ARMCX6: variants seen among roughly 807,000 people sequenced by gnomAD.
ARMCX6 encodes protein ARMCX6.
For missense variants in ARMCX6, 194 were observed against 186.0 expected (o/e 1.04, Z -0.25); for synonymous variants, 85 against 70.3 (o/e 1.21, Z -1.05).
At position 101,616,467 on chromosome X, in the gene ARMCX6, C is replaced by G. The variant is rs782576911; in HGVS notation, c.154G>C (p.Asp52His). 2.9e-5 allele frequency: 35 copies of G among 1,209,881 alleles called. No individual in the cohort carries two copies. The South Asian group carries it at 4.6e-4, about 16-fold the overall frequency. The change falls in exon 3 of 3, where the codon GAT (aspartate) becomes CAT (histidine). Residue 52 changes from aspartate to histidine, a missense_variant. By Grantham distance (81) the Asp-to-His change is moderately conservative. Coordinates refer to ENST00000361910, the MANE Select transcript of ARMCX6 (RefSeq NM_019007.4). ...AACCAAATATCAGGCTCCTCCTCAT[C>G]CAGCTCCTGGTCATCGTCCCACTCC... ...EEEWDDDQEL[D>H]EEEPDIWFDF...
rs1935802211 is a variant in ARMCX6 at position 101,616,196 on chromosome X, G to A, written c.425C>T (p.Pro142Leu). Residue 142 changes from proline (P) to leucine (L), a missense_variant, in exon 3 of 3, where the codon CCC becomes CTC. Transcript: ENST00000361910. ...GCTAAATGGAAAGCCCGCATCCTTG[G>A]GCTCGGCAAACAACAGTTTTCCCTG... Reference protein sequence around the residue: ...FIQGKLLFAEPKDAGFPFSQD... With the variant: ...FIQGKLLFAELKDAGFPFSQD... The A allele has an allele frequency of 8.3e-7, 1 of 1,205,647 alleles. No homozygotes were observed. The highest frequency in any genetic ancestry group is 2.2e-5 in the Admixed American group (1 of 45,294).
At chrX:101,616,867 T>C in intron 2 of ARMCX6, 101 bp from the exon 3 acceptor site, 1 of 426,295 alleles carries the variant, frequency 2.3e-6, no homozygotes, top group Non-Finnish European at 3.7e-6. Flanking sequence ...ATTAACAGGA[T>C]ACAATTTCTT....
chrX:101,616,520 C>A lies in ARMCX6; in HGVS notation c.101G>T (p.Ser34Ile). ...TTCCCCCTCCTCCTCCAGCTTCTCA[C>A]TGTCATCTCTTCCTATGGTCAGTTT... is the stretch of plus-strand genomic sequence containing the variant. Reference protein sequence around the residue: ...VYKLTIGRDDSEKLEEEGEEE... With the variant: ...VYKLTIGRDDIEKLEEEGEEE... Residue 34 changes from serine to isoleucine, a missense_variant, in exon 3 of 3, where the codon AGT (serine) becomes ATT (isoleucine). Coordinates refer to ENST00000361910, the MANE Select transcript of ARMCX6 (RefSeq NM_019007.4). 1 of 1,212,222 alleles carries A rather than the reference C, an allele frequency of 8.2e-7. No homozygotes were observed. The highest frequency in any genetic ancestry group is 1.1e-6 in the Non-Finnish European group (1 of 895,586).
intron 2 of ARMCX6, 26 bp from the exon 3 acceptor site, chrX:101,616,792 C>T (rs1935824276): frequency 2.2e-6 from 2 of 922,531 alleles, no homozygotes; most frequent in Non-Finnish European, 2.9e-6. Flanking sequence ...AGTATTAGGG[C>T]TCGGGACTAT....
chrX:101,616,264 T>A lies in ARMCX6; in HGVS notation c.357A>T (p.Lys119Asn), dbSNP rs782430995. 8.3e-7 allele frequency: 1 copy of A among 1,211,416 alleles called. No individual in the cohort carries two copies. The highest frequency in any genetic ancestry group is 2.2e-5 in the Admixed American group (1 of 46,031). ...AGAGGTCCAGAACACAACTGCCATT[T>A]TTACAATTTTGAGCACTCCAAGTAT... ...HKNTWSAQNC[K>N]NGSCVLDLSK... is the part of the protein sequence containing the mutation. Residue 119 changes from lysine (K) to asparagine (N), a missense_variant, in exon 3 of 3, where the codon AAA becomes AAT. Coordinates refer to ENST00000361910, the MANE Select transcript of ARMCX6 (RefSeq NM_019007.4).
rs1311347062 is a variant in ARMCX6, at chrX:101,616,186, C to T, written c.435G>A (p.Ala145=). 5.8e-6 allele frequency: 7 copies of T among 1,209,025 alleles called. No individual in the cohort carries two copies. The highest frequency in any genetic ancestry group is 5.9e-5 in the East Asian group (2 of 33,733). The change falls in exon 3 of 3, where the codon GCG becomes GCA. Residue 145 remains alanine (A), a synonymous_variant. Transcript: ENST00000361910. ...GKLLFAEPKD[A]GFPFSQDINS... ...TGATATCCTGGCTAAATGGAAAGCC[C>T]GCATCCTTGGGCTCGGCAAACAACA...
Position 101,616,246 on chromosome X carries a change from C to T in ARMCX6, c.375G>A (p.Leu125=), listed in dbSNP as rs3931653. 444 of 1,208,901 alleles carry T rather than the reference C, an allele frequency of 3.7e-4. No homozygotes were observed. The African/African-American group carries it at 4.0e-3, about 11-fold the overall frequency. ...AQNCKNGSCV[L]DLSKCLFIQG... is the part of the protein sequence containing the mutation. ...GAATGAAAAGACACTTGGAGAGGTC[C>T]AGAACACAACTGCCATTTTTACAAT... is the stretch of plus-strand genomic sequence containing the variant. The change falls in exon 3 of 3, where the codon CTG becomes CTA. Residue 125 remains leucine (L), a synonymous_variant. Coordinates refer to ENST00000361910, the MANE Select transcript of ARMCX6 (RefSeq NM_019007.4).
At position 101,616,794 on chromosome X, in the gene ARMCX6, C is replaced by T. The variant is rs974318776; in HGVS notation, c.-146-28G>A. The T allele has an allele frequency of 1.7e-4, 157 of 908,736 alleles. 3 individuals carry two copies. The highest frequency in any genetic ancestry group is 7.0e-5 in the East Asian group (2 of 28,543). The allele number at this position is 908,736 out of a possible 1,213,427, so 74.9% of individuals were successfully genotyped here. A position where few individuals can be genotyped will look rare whatever the true frequency, so the allele number is the denominator to read the frequency against. ...GTGGGTGAAACAGAGTATTAGGGCT[C>T]GGGACTATGTTTGGCTTTGTGCCTC... On this transcript the variant is annotated intron_variant, in intron 2 of 2. Transcript: ENST00000361910.
chrX:101,617,165 T>C (rs782815763), intron 2 of ARMCX6: 132 of 113,552 alleles, frequency 1.2e-3, no homozygotes, highest in Non-Finnish European at 1.7e-3. Context: ...GAAGGACAAA[T>C]GCAAAGACAG....
intron 2 of ARMCX6, 131 bp from the exon 3 acceptor site, chrX:101,616,897 T>G: frequency 2.8e-6 from 1 of 353,587 alleles, no homozygotes; most frequent in Non-Finnish European, 4.6e-6. Flanking sequence ...CTTTTCTGTC[T>G]TCCTCTATCG....
rs1556035790 is a variant in ARMCX6 at position 101,616,311 on chromosome X, G to A, written c.310C>T (p.Pro104Ser). 8.3e-7 allele frequency: 1 copy of A among 1,211,601 alleles called. No individual in the cohort carries two copies. Among genetic ancestry groups the A allele is most frequent in the Admixed American group, 2.2e-5 (1 of 46,032 alleles). The change falls in exon 3 of 3, where the codon CCA (proline) becomes TCA (serine). Residue 104 changes from proline to serine, a missense_variant. Coordinates refer to ENST00000361910, the MANE Select transcript of ARMCX6 (RefSeq NM_019007.4). ...GTATTTTTATGTTCATAGGGGAATGGCCGCTGTTTTATTGGGTGTGCTCGG... is the reference window on the plus strand; with the variant it reads ...GTATTTTTATGTTCATAGGGGAATGACCGCTGTTTTATTGGGTGTGCTCGG... ...ANRAHPIKQR[P>S]FPYEHKNTWS...
In ARMCX6 at chrX:101,616,702, G is replaced by A. The variant is rs1201720060; in HGVS notation, c.-82C>T. On this transcript the variant is annotated 5_prime_UTR_variant, in exon 3 of 3. Coordinates refer to ENST00000361910, the MANE Select transcript of ARMCX6 (RefSeq NM_019007.4). ...TGAAGAGGTCTCTCAGGTCCAGGGT[G>A]AGTAAGGATGGAGGGTAGCAGTCTT... is the stretch of plus-strand genomic sequence containing the variant. The A allele has an allele frequency of 1.8e-6, 2 of 1,135,812 alleles. No individual in the cohort carries two copies. Among genetic ancestry groups the A allele is most frequent in the Non-Finnish European group, 2.3e-6 (2 of 858,890 alleles). The allele number at this position is 1,135,812 out of a possible 1,213,427, so 93.6% of individuals were successfully genotyped here.
chrX:101,616,201 G>A lies in ARMCX6; in HGVS notation c.420C>T (p.Ala140=), dbSNP rs200076552. Residue 140 remains alanine, a synonymous_variant, in exon 3 of 3, where the codon GCC becomes GCT. Coordinates refer to ENST00000361910, the MANE Select transcript of ARMCX6 (RefSeq NM_019007.4). ...CLFIQGKLLF[A]EPKDAGFPFS... is the part of the protein sequence containing the mutation. ...ATGGAAAGCCCGCATCCTTGGGCTC[G>A]GCAAACAACAGTTTTCCCTGAATGA... 4.0e-5 allele frequency: 48 copies of A among 1,206,166 alleles called. No individual in the cohort carries two copies. Among genetic ancestry groups the A allele is most frequent in the Non-Finnish European group, 4.7e-5 (42 of 894,270 alleles).
Position 101,615,729 on chromosome X carries a change from G to A in ARMCX6, c.892C>T (p.Pro298Ser), listed in dbSNP as rs1569366380. Reference protein sequence around the residue: ...NGNREILLETPAP With the variant: ...NGNREILLETSAP ...TTCGAGAGGGCCGTTTATGGGGCAG[G>A]GGTTTCCAGGAGAATCTCTCTGTTT... Residue 298 changes from proline to serine, a missense_variant, in exon 3 of 3, where the codon CCT (proline) becomes TCT (serine). Pro to Ser is a moderately conservative substitution (Grantham distance 74). Coordinates refer to ENST00000361910, the MANE Select transcript of ARMCX6 (RefSeq NM_019007.4). The A allele has an allele frequency of 6.2e-6, 1 of 162,515 alleles. No homozygotes were observed. The highest frequency in any genetic ancestry group is 9.9e-6 in the Non-Finnish European group (1 of 100,802). The allele number at this position is 162,515 out of a possible 1,213,427, so 13.4% of individuals were successfully genotyped here.
Position 101,616,496 on chromosome X carries a change from T to C in ARMCX6, c.125A>G (p.Glu42Gly). The change falls in exon 3 of 3, where the codon GAA becomes GGA. Residue 42 changes from glutamate to glycine, a missense_variant. Physicochemically the swap from Glu to Gly is moderately conservative, Grantham distance 98. Transcript: ENST00000361910. ...DDSEKLEEEGEEEWDDDQELD... is the reference protein window; with the variant it reads ...DDSEKLEEEGGEEWDDDQELD... ...CTCCTGGTCATCGTCCCACTCCTCTTCCCCCTCCTCCTCCAGCTTCTCACT... is the reference window on the plus strand; with the variant it reads ...CTCCTGGTCATCGTCCCACTCCTCTCCCCCCTCCTCCTCCAGCTTCTCACT... The C allele has an allele frequency of 2.5e-6, 3 of 1,210,901 alleles. No homozygotes were observed. Among genetic ancestry groups the C allele is most frequent in the Non-Finnish European group, 3.4e-6 (3 of 895,116 alleles).
rs1556035828 is a variant in ARMCX6, at chrX:101,616,365, C to A, written c.256G>T (p.Asp86Tyr). ...TEPGAPGGTE[D>Y]RPSGGGKANR... is the part of the protein sequence containing the mutation. ...GCCTTGCCTCCCCCTGAGGGCCTGT[C>A]CTCAGTGCCACCTGGGGCCCCAGGT... Residue 86 changes from aspartate (D) to tyrosine (Y), a missense_variant, in exon 3 of 3, where the codon GAC becomes TAC. By Grantham distance (160) the Asp-to-Tyr change is radical. Coordinates refer to ENST00000361910, the MANE Select transcript of ARMCX6 (RefSeq NM_019007.4). 15 of 1,211,617 alleles carry A rather than the reference C, an allele frequency of 1.2e-5. No individual in the cohort carries two copies. Among genetic ancestry groups the A allele is most frequent in the Non-Finnish European group, 1.7e-5 (15 of 895,480 alleles).
rs1556035518 is a variant in ARMCX6 at position 101,615,839 on chromosome X, C to T, written c.782G>A (p.Gly261Asp). 6.4e-6 allele frequency: 2 copies of T among 310,465 alleles called. No homozygotes were observed. Among genetic ancestry groups the T allele is most frequent in the Non-Finnish European group, 1.1e-5 (2 of 190,306 alleles). 25.6% of individuals were successfully genotyped at this position (310,465 alleles called of 1,213,427 possible). A position where few individuals can be genotyped will look rare whatever the true frequency, so the allele number is the denominator to read the frequency against. The change falls in exon 3 of 3, where the codon GGT becomes GAT. Residue 261 changes from glycine to aspartate, a missense_variant. Transcript: ENST00000361910. ...AKVQVLKPLM[G>D]LSEKPVLAGE... ...CGCCAAGACTGGCTTTTCAGACAAA[C>T]CCATCAGCGGTTTCAAAACCTGAAC...
Position 101,616,277 on chromosome X carries a change from G to A in ARMCX6, c.344C>T (p.Ala115Val), listed in dbSNP as rs1253555899. 6 of 1,209,380 alleles carry A rather than the reference G, an allele frequency of 5.0e-6. No individual in the cohort carries two copies. Among genetic ancestry groups the A allele is most frequent in the Non-Finnish European group, 6.7e-6 (6 of 895,135 alleles). Residue 115 changes from alanine (A) to valine (V), a missense_variant, in exon 3 of 3, where the codon GCT (alanine) becomes GTT (valine). Physicochemically the swap from Ala to Val is moderately conservative, Grantham distance 64. Coordinates refer to ENST00000361910, the MANE Select transcript of ARMCX6 (RefSeq NM_019007.4). ...ACAACTGCCATTTTTACAATTTTGA[G>A]CACTCCAAGTATTTTTATGTTCATA... ...FPYEHKNTWSAQNCKNGSCVL... is the reference protein window; with the variant it reads ...FPYEHKNTWSVQNCKNGSCVL...
intron 1 of ARMCX6, 88 bp from the exon 2 acceptor site, chrX:101,617,672 T>C (rs1935845969): frequency 9.1e-6 from 1 of 109,695 alleles, no homozygotes; most frequent in Non-Finnish European, 1.9e-5. Context: ...TCTCGGAGTC[T>C]CTGGAAACGC....
Sources: gnomAD v4.1 joint callset for allele counts on GRCh38, gnomAD v4.1.1 for gene constraint, MANE v1.5 for transcripts, NCBI Gene and HGNC (gene_info 2026-07-23, HGNC 2026-07-21) for gene names.